The following PRH2 variants were observed in gnomAD, a reference collection of about 807,000 sequenced individuals.
The protein encoded by PRH2 is proline rich protein HaeIII subfamily 2, also known as salivary acidic proline-rich phosphoprotein 1/2.
In PRH2, 19 loss-of-function variants were observed where a neutral mutation model predicts 22.6. The ratio of observed to expected loss-of-function variants is 0.84; its 90% CI spans 0.59 to 1.23. The LOEUF is 1.23. Among genes scored for constraint, PRH2 ranks in the 50% most tolerant of loss-of-function variants. The pLI is 0.00. For missense variants in PRH2, 109 were observed against 203.0 expected (o/e 0.54, Z 2.81); for synonymous variants, 45 against 72.0 (o/e 0.63, Z 1.90).
Position 10,929,345 on chromosome 12 carries a change from G to T in PRH2, c.64+8G>T, listed in dbSNP as rs368737285. Reference sequence around the variant, plus strand: ...CTCAGGACTTAGATGAAGGTAAGCCGAATTGGGGGAAGATATTGTGACTCT... The same window carrying T: ...CTCAGGACTTAGATGAAGGTAAGCCTAATTGGGGGAAGATATTGTGACTCT... On this transcript the variant is annotated splice_region_variant and intron_variant, in intron 1 of 3. Transcript: ENST00000396400. 12 of 1,614,128 alleles carry T rather than the reference G, an allele frequency of 7.4e-6. No homozygotes were observed. In the African/African-American group the frequency reaches 1.6e-4, roughly 22 times the overall value.
rs1210190154 is a variant in PRH2 at position 10,934,713 on chromosome 12, G to T, written c.*2506G>T. Among the ~76,000 whole-genome samples the T allele has an allele frequency of 5.3e-5, 8 of 151,856 alleles. No homozygotes were observed. The South Asian group carries it at 6.2e-4, about 12-fold the overall frequency. ...GCTTTTTTCACAAAAAGATTATTTT[G>T]CCCCAGACAGCTATCTGCATTCTGA... On this transcript the variant is annotated 3_prime_UTR_variant, in exon 4 of 4. Transcript: ENST00000396400.
Position 10,934,129 on chromosome 12 carries a change from A to T in PRH2, c.*1922A>T, listed in dbSNP as rs1207716564. On this transcript the variant is annotated 3_prime_UTR_variant, in exon 4 of 4. Transcript: ENST00000396400. ...AGGAACCAAAAGGCCTAGTCTTCGAATTTTTAATGCCATTGTGATAGCAAG... is the reference window on the plus strand; with the variant it reads ...AGGAACCAAAAGGCCTAGTCTTCGATTTTTTAATGCCATTGTGATAGCAAG... Among the ~76,000 whole-genome samples the T allele has an allele frequency of 6.6e-6, 1 of 152,178 alleles. No individual in the cohort carries two copies. Among genetic ancestry groups the T allele is most frequent in the Non-Finnish European group, 1.5e-5 (1 of 68,012 alleles).
Position 10,930,674 on chromosome 12 carries a change from C to T in PRH2, c.113C>T (p.Ser38Phe), listed in dbSNP as rs144338775. 3.8e-3 allele frequency: 6,084 copies of T among 1,613,876 alleles called. 2 individuals are homozygous for T. Among genetic ancestry groups the T allele is most frequent in the Non-Finnish European group, 4.7e-3 (5,508 of 1,179,818 alleles). ...TCAACTCACACAGATGGAGGAGACT[C>T]TGAGCAGTTCATAGATGAGGAGCGT... ...VPLVISDGGDSEQFIDEERQG... is the reference protein window; with the variant it reads ...VPLVISDGGDFEQFIDEERQG... The change falls in exon 3 of 4, where the codon TCT (serine) becomes TTT (phenylalanine). Residue 38 changes from serine (S) to phenylalanine (F), a missense_variant. Physicochemically the swap from Ser to Phe is radical, Grantham distance 155 (BLOSUM62 -2). This residue lies in a region of PRH2 where 54 missense variants were observed against 60.5 expected (regional missense o/e 0.89). Coordinates refer to ENST00000396400, the MANE Select transcript of PRH2 (RefSeq NM_001110213.1).
intron 3 of PRH2, 54 bp downstream of exon 3, chr12:10,931,134 C>T (rs1277147183): frequency 1.9e-6 from 3 of 1,586,438 alleles, no homozygotes; most frequent in Non-Finnish European, 1.7e-6. Flanking sequence ...AGTTCTCCAA[C>T]TTCATTGTGC....
Position 10,929,302 on chromosome 12 carries a change from T to A in PRH2, c.29T>A (p.Leu10Gln). 6.2e-7 allele frequency: 1 copy of A among 1,614,200 alleles called. No homozygotes were observed. The highest frequency in any genetic ancestry group is 8.5e-7 in the Non-Finnish European group (1 of 1,180,024). The change falls in exon 1 of 4, where the codon CTG becomes CAG. Residue 10 changes from leucine (L) to glutamine (Q), a missense_variant. Transcript: ENST00000396400. ...CTTCTGATTCTGCTGTCAGTGGCCC[T>A]GCTGGCCTTCAGCTCAGCTCAGGAC... Reference protein sequence around the residue: MLLILLSVALLAFSSAQDLD... With the variant: MLLILLSVAQLAFSSAQDLD...
rs1343870622 is a variant in PRH2, at chr12:10,931,006, C to T, written c.445C>T (p.Pro149Ser). 2.5e-6 allele frequency: 4 copies of T among 1,594,806 alleles called. No individual in the cohort carries two copies. The highest frequency in any genetic ancestry group is 3.4e-6 in the Non-Finnish European group (4 of 1,171,440). The change falls in exon 3 of 4, where the codon CCA (proline) becomes TCA (serine). Residue 149 changes from proline to serine, a missense_variant. Physicochemically the swap from Pro to Ser is moderately conservative, Grantham distance 74 (BLOSUM62 -1). Coordinates refer to ENST00000396400, the MANE Select transcript of PRH2 (RefSeq NM_001110213.1). ...ACCTCCTCCTGGAAAGCCCCAGGGA[C>T]CACCTCCCCAAGGGGGCCGCCCACA... ...PPPPPGKPQG[P>S]PPQGGRPQGP... is the part of the protein sequence containing the mutation.
intron 1 of PRH2, among the ~76,000 whole-genome samples, chr12:10,929,748 C>G (rs189476087): frequency 1.3e-3 from 196 of 152,264 alleles, no homozygotes; most frequent in African/African-American, 4.3e-3. Flanking sequence ...AGAGCTATTG[C>G]TGAGGCAGAG....
At position 10,930,275 on chromosome 12, in the gene PRH2, G is replaced by C. The variant is rs1463502008; in HGVS notation, c.71G>C (p.Ser24Thr). 1 of 1,613,238 alleles carries C rather than the reference G, an allele frequency of 6.2e-7. No individual in the cohort carries two copies. Among genetic ancestry groups the C allele is most frequent in the Admixed American group, 1.7e-5 (1 of 60,014 alleles). Residue 24 changes from serine to threonine, a missense_variant, in exon 2 of 4, where the codon AGC becomes ACC. Ser to Thr is a moderately conservative substitution (Grantham distance 58). Around this residue, in one of 4 missense-constraint regions of PRH2, gnomAD observed 54 missense variants for 60.5 expected, o/e 0.89. Transcript: ENST00000396400. ...SSAQDLDEDV[S>T]QEDVPLVISD... ...TCCTGTACTTCTTTTCTAGATGTCA[G>C]CCAAGAAGACGTTCCCTTGGTAATA...
intron 2 of PRH2, 89 bp from the exon 3 acceptor site, chr12:10,930,573 G>T: frequency 6.4e-7 from 1 of 1,571,898 alleles, no homozygotes; most frequent in Non-Finnish European, 8.6e-7. Flanking sequence ...CAGGGAGAGA[G>T]GGGCCGGCCG....
chr12:10,930,026 A>G (rs1950180753), intron 1 of PRH2, among the ~76,000 whole-genome samples: 1 of 152,002 alleles, frequency 6.6e-6, no homozygotes, highest in Non-Finnish European at 1.5e-5. Context: ...ACTAAGGCTT[A>G]AGGAATCATG....
rs759039838 is a variant in PRH2 at position 10,930,710 on chromosome 12, C to G, written c.149C>G (p.Pro50Arg). The G allele has an allele frequency of 2.5e-6, 4 of 1,613,838 alleles. No homozygotes were observed. The highest frequency in any genetic ancestry group is 3.4e-6 in the Non-Finnish European group (4 of 1,179,840). The change falls in exon 3 of 4, where the codon CCT becomes CGT. Residue 50 changes from proline (P) to arginine (R), a missense_variant. This residue lies in a region of PRH2 where 54 missense variants were observed against 60.5 expected (regional missense o/e 0.89). Transcript: ENST00000396400. ...ATAGATGAGGAGCGTCAGGGACCAC[C>G]TTTGGGAGGACAGCAATCTCAACCC... is the stretch of plus-strand genomic sequence containing the variant. ...QFIDEERQGP[P>R]LGGQQSQPSA...
Position 10,930,859 on chromosome 12 carries a change from C to A in PRH2, c.298C>A (p.His100Asn), listed in dbSNP as rs1950198789. The A allele has an allele frequency of 6.2e-7, 1 of 1,613,282 alleles. No homozygotes were observed. The highest frequency in any genetic ancestry group is 2.2e-5 in the East Asian group (1 of 44,874). Residue 100 changes from histidine to asparagine, a missense_variant, in exon 3 of 4, where the codon CAT becomes AAT. By Grantham distance (68) the His-to-Asn change is moderately conservative. Coordinates refer to ENST00000396400, the MANE Select transcript of PRH2 (RefSeq NM_001110213.1). ...ACAAGGACCACCCCAACAGGGAGGC[C>A]ATCCCCCTCCTCCTCAAGGAAGGCC... Reference protein sequence around the residue: ...KPQGPPQQGGHPPPPQGRPQG... With the variant: ...KPQGPPQQGGNPPPPQGRPQG...
chr12:10,934,509 G>A lies in PRH2; in HGVS notation c.*2302G>A, dbSNP rs1950259033. Among the ~76,000 whole-genome samples, 10 of 151,952 alleles carry A rather than the reference G, an allele frequency of 6.6e-5. No individual in the cohort carries two copies. The South Asian group carries it at 2.1e-3, about 32-fold the overall frequency. ...GATACTATACAAGGCATTTAGCATG[G>A]CTGCAAAGAGAGAGCTCCAATGTCT... is the stretch of plus-strand genomic sequence containing the variant. On this transcript the variant is annotated 3_prime_UTR_variant, in exon 4 of 4. Transcript: ENST00000396400.
At chr12:10,929,451 A>G in intron 1 of PRH2, 114 bp downstream of exon 1, 2 of 1,299,992 alleles carry the variant, frequency 1.5e-6, no homozygotes, top group Non-Finnish European at 2.2e-6. Context: ...AGGACTGAAG[A>G]GTTCTCATGC....
chr12:10,933,316 A>G lies in PRH2; in HGVS notation c.*1109A>G, dbSNP rs117133139. ...TAAGTAAAATATGATGAAATTTAAT[A>G]GAGAATTCACTCCTCCCAAAAGCAC... On this transcript the variant is annotated 3_prime_UTR_variant, in exon 4 of 4. Coordinates refer to ENST00000396400, the MANE Select transcript of PRH2 (RefSeq NM_001110213.1). Among the ~76,000 whole-genome samples, 556 of 152,210 alleles carry G rather than the reference A, an allele frequency of 3.7e-3. 6 individuals are homozygous for G. The highest frequency in any genetic ancestry group is 6.4e-3 in the Non-Finnish European group (437 of 67,936).
rs562371078 is a variant in PRH2, at chr12:10,932,476, T to A, written c.*269T>A. ...TAAGTCATCTGCCTGGGGAAGGAGTTCCACTGTTTCTTTCCTTCTCTGTCT... is the reference window on the plus strand; with the variant it reads ...TAAGTCATCTGCCTGGGGAAGGAGTACCACTGTTTCTTTCCTTCTCTGTCT... On this transcript the variant is annotated 3_prime_UTR_variant, in exon 4 of 4. Transcript: ENST00000396400. The A allele has an allele frequency of 1.0e-4, 19 of 181,808 alleles. No individual in the cohort carries two copies. The highest frequency in any genetic ancestry group is 2.3e-4 in the Non-Finnish European group (19 of 82,518). 11.3% of individuals were successfully genotyped at this position (181,808 alleles called of 1,614,324 possible).
At position 10,929,369 on chromosome 12, in the gene PRH2, CTGAT is replaced by C. The variant is rs376532784; in HGVS notation, c.64+35_64+38del. On this transcript the variant is annotated intron_variant, in intron 1 of 3. Coordinates refer to ENST00000396400, the MANE Select transcript of PRH2 (RefSeq NM_001110213.1). ...CGAATTGGGGGAAGATATTGTGACT[CTGAT>C]TGGGGTTTACGGGCGAATGCTATAG... The C allele has an allele frequency of 7.6e-5, 123 of 1,613,686 alleles. No homozygotes were observed. The African/African-American group carries it at 1.5e-3, about 19-fold the overall frequency.
rs1950259873 is a variant in PRH2, at chr12:10,934,563, AT to A, written c.*2357del. ...TGCAACGCTGACAATTTCTTCATCT[AT>A]CACATGTACCTGTTATACATACTTA... On this transcript the variant is annotated 3_prime_UTR_variant, in exon 4 of 4. Transcript: ENST00000396400. Among the ~76,000 whole-genome samples the A allele has an allele frequency of 1.3e-5, 2 of 152,134 alleles. No individual in the cohort carries two copies.
At chr12:10,930,197 C>G in intron 1 of PRH2, 72 bp from the exon 2 acceptor site, 2 of 1,537,434 alleles carry the variant, frequency 1.3e-6, no homozygotes, top group East Asian at 2.2e-5. Flanking sequence ...GGTCCTTTAT[C>G]CTCGTAGAAC....
Sources: allele counts gnomAD v4.1 joint callset (sites outside exome capture counted in the v4.1 genomes callset), GRCh38; gene constraint gnomAD v4.1.1; regional missense constraint gnomAD v4.1.1; transcripts MANE v1.5; gene names NCBI Gene and HGNC (gene_info 2026-07-23, HGNC 2026-07-21).